Variants in ZNF703 observed in about 807,000 individuals in gnomAD.
ZNF703 encodes the protein zinc finger protein 703, also known as NocA-like zinc finger 1.
ZNF703 carries 18 observed loss-of-function variants against 30.7 expected under a neutral mutation model. The ratio of observed to expected loss-of-function variants is 0.59; its 90% CI spans 0.40 to 0.87. The LOEUF (loss-of-function observed/expected upper bound fraction) is 0.87. Among genes scored for constraint, ZNF703 ranks in the 40% least tolerant of loss-of-function variants. The pLI, the probability that ZNF703 is intolerant of heterozygous loss-of-function variation, is 0.00. For missense variants in ZNF703, 814 were observed against 847.8 expected, an observed-to-expected ratio of 0.96 and a Z score of 0.50; for synonymous variants, 457 against 438.6, an observed-to-expected ratio of 1.04 and a Z score of -0.52.
rs948515944 is a variant in ZNF703, at chr8:37,697,192, G to T, written c.291G>T (p.Ser97=). 1.1e-5 allele frequency: 17 copies of T among 1,594,788 alleles called. 1 individual carries two copies. The highest frequency in any genetic ancestry group is 2.7e-5 in the African/African-American group (2 of 72,732). The change falls in exon 2 of 2, where the codon TCG becomes TCT. Residue 97 remains serine (S), a synonymous_variant. Coordinates refer to ENST00000331569, the MANE Select transcript of ZNF703 (RefSeq NM_025069.3). ...TGGCGCTGCTGGCTCAGACCTGCTC[G>T]CAGATCGGCAAGCCGGACCCGCCGC... ...SPLALLAQTC[S]QIGKPDPPPS...
chr8:37,697,127 T>C lies in ZNF703; in HGVS notation c.244-18T>C. ...GAGTCTCACTCCTTCTCCCTCCCCCTGCTTCTGTCTCCCACAGCTGGACGC... is the reference window on the plus strand; with the variant it reads ...GAGTCTCACTCCTTCTCCCTCCCCCCGCTTCTGTCTCCCACAGCTGGACGC... On this transcript the variant is annotated intron_variant, in intron 1 of 1. Coordinates refer to ENST00000331569, the MANE Select transcript of ZNF703 (RefSeq NM_025069.3). 5 of 1,520,582 alleles carry C rather than the reference T, an allele frequency of 3.3e-6. No homozygotes were observed. The highest frequency in any genetic ancestry group is 4.4e-6 in the Non-Finnish European group (5 of 1,139,610). The allele number at this position is 1,520,582 out of a possible 1,614,324, so 94.2% of individuals were successfully genotyped here.
Position 37,699,334 on chromosome 8 carries a change from G to A in ZNF703, c.*660G>A, listed in dbSNP as rs1802130574. The stretch of plus-strand genomic sequence containing the variant: ...GGGGCCCTGGAGCTCTATTGACCTG[G>A]TACACTGCTCCGGGACTCCTCCCCC... On this transcript the variant is annotated 3_prime_UTR_variant, in exon 2 of 2. Coordinates refer to ENST00000331569, the MANE Select transcript of ZNF703 (RefSeq NM_025069.3). 1 of 152,376 alleles carries A rather than the reference G, an allele frequency of 6.6e-6. No homozygotes were observed. The highest frequency in any genetic ancestry group is 2.1e-4 in the South Asian group (1 of 4,840). 9.4% of individuals were successfully genotyped at this position (152,376 alleles called of 1,614,324 possible). A position where few individuals can be genotyped will look rare whatever the true frequency, so the allele number is the denominator to read the frequency against.
chr8:37,696,206 C>T lies in ZNF703; in HGVS notation c.227C>T (p.Pro76Leu), dbSNP rs368977849. 1.2e-6 allele frequency: 2 copies of T among 1,609,762 alleles called. No individual in the cohort carries two copies. Among genetic ancestry groups the T allele is most frequent in the African/African-American group, 1.3e-5 (1 of 74,702 alleles). ...TACCTGCAGCCGCTGTCCTCCACTC[C>T]CGTCAGCCCCATTGAGGTCAGTCCC... ...PEYLQPLSST[P>L]VSPIELDAKK... The change falls in exon 1 of 2, where the codon CCC (proline) becomes CTC (leucine). Residue 76 changes from proline (P) to leucine (L), a missense_variant. Coordinates refer to ENST00000331569, the MANE Select transcript of ZNF703 (RefSeq NM_025069.3). This position sits in a 1 kb window ranked among gnomAD's most constrained non-coding sequence, Gnocchi z 8.2.
chr8:37,697,924 C>T lies in ZNF703; in HGVS notation c.1023C>T (p.Leu341=), dbSNP rs1426275104. 3 of 1,556,456 alleles carry T rather than the reference C, an allele frequency of 1.9e-6. No individual in the cohort carries two copies. The highest frequency in any genetic ancestry group is 2.7e-5 in the African/African-American group (2 of 73,898). ...VPGLDPSKSG[L]VGGQLSGGLG... ...GCCTGGATCCTAGCAAGTCCGGCCT[C>T]GTGGGAGGCCAGCTGTCTGGGGGCC... The change falls in exon 2 of 2, where the codon CTC becomes CTT. Residue 341 remains leucine (L), a synonymous_variant. Transcript: ENST00000331569.
chr8:37,697,864 C>G lies in ZNF703; in HGVS notation c.963C>G (p.Gly321=), dbSNP rs757022324. The change falls in exon 2 of 2, where the codon GGC becomes GGG. Residue 321 remains glycine (G), a synonymous_variant. Coordinates refer to ENST00000331569, the MANE Select transcript of ZNF703 (RefSeq NM_025069.3). ...SSIGYHGSIV[G]AYAGYPSQFV... ...TTGGCTACCACGGCTCCATCGTGGGCGCCTACGCCGGCTACCCGTCTCAGT... is the reference window on the plus strand; with the variant it reads ...TTGGCTACCACGGCTCCATCGTGGGGGCCTACGCCGGCTACCCGTCTCAGT... 4 of 1,546,248 alleles carry G rather than the reference C, an allele frequency of 2.6e-6. No homozygotes were observed. In the African/African-American group the frequency reaches 4.1e-5, roughly 16 times the overall value.
rs750801022 is a variant in ZNF703, at chr8:37,698,653, C to T, written c.1752C>T (p.Ala584=). 22 of 1,477,604 alleles carry T rather than the reference C, an allele frequency of 1.5e-5. No homozygotes were observed. Among genetic ancestry groups the T allele is most frequent in the Non-Finnish European group, 1.9e-5 (21 of 1,112,240 alleles). The allele number at this position is 1,477,604 out of a possible 1,614,324, so 91.5% of individuals were successfully genotyped here. ...TGTATGGACAGAGACTAGCTTCAGCCTCGGCGCTGGGATACCAGTAACTAC... is the reference window on the plus strand; with the variant it reads ...TGTATGGACAGAGACTAGCTTCAGCTTCGGCGCTGGGATACCAGTAACTAC... ...YALYGQRLAS[A]SALGYQ is the part of the protein sequence containing the mutation. The change falls in exon 2 of 2, where the codon GCC becomes GCT. Residue 584 remains alanine (A), a synonymous_variant. Transcript: ENST00000331569.
Position 37,696,299 on chromosome 8 carries a change from C to G in ZNF703, c.243+77C>G, listed in dbSNP as rs1050609602. 2.7e-6 allele frequency: 4 copies of G among 1,475,948 alleles called. No individual in the cohort carries two copies. Among genetic ancestry groups the G allele is most frequent in the East Asian group, 2.6e-5 (1 of 37,970 alleles). The allele number at this position is 1,475,948 out of a possible 1,614,324, so 91.4% of individuals were successfully genotyped here. A position where few individuals can be genotyped will look rare whatever the true frequency, so the allele number is the denominator to read the frequency against. ...ACCGGGACCCTGACCCAGCTCCCAG[C>G]GCCCCGGGGCTCGGTGCGACACCCA... is the stretch of plus-strand genomic sequence containing the variant. On this transcript the variant is annotated intron_variant, in intron 1 of 1. Coordinates refer to ENST00000331569, the MANE Select transcript of ZNF703 (RefSeq NM_025069.3). This position sits in a 1 kb window ranked among gnomAD's most constrained non-coding sequence, Gnocchi z 8.2.
intron 1 of ZNF703, 130 bp from the exon 2 acceptor site, chr8:37,697,015 G>A (rs1234922149): frequency 2.3e-5 from 26 of 1,134,404 alleles, no homozygotes; most frequent in African/African-American, 1.6e-4. Context: ...CCCGGCCCTC[G>A]CTCGCAGACC....
Position 37,697,411 on chromosome 8 carries a change from C to G in ZNF703, c.510C>G (p.Ser170Arg). 6.4e-7 allele frequency: 1 copy of G among 1,551,626 alleles called. No individual in the cohort carries two copies. Among genetic ancestry groups the G allele is most frequent in the Non-Finnish European group, 8.7e-7 (1 of 1,149,124 alleles). Residue 170 changes from serine (S) to arginine (R), a missense_variant, in exon 2 of 2, where the codon AGC becomes AGG. Transcript: ENST00000331569. The part of the protein sequence containing the change: ...GSGGGDSRKD[S>R]GSSSVSSTSS... Reference sequence around the variant, plus strand: ...GCGGCGGCGACTCCCGCAAAGACAGCGGCTCCTCCTCGGTGTCTTCCACCT... The same window carrying G: ...GCGGCGGCGACTCCCGCAAAGACAGGGGCTCCTCCTCGGTGTCTTCCACCT...
chr8:37,696,192 G>C lies in ZNF703; in HGVS notation c.213G>C (p.Pro71=). ...GHLLHPEYLQ[P]LSSTPVSPIE... ...TCCTGCACCCGGAGTACCTGCAGCC[G>C]CTGTCCTCCACTCCCGTCAGCCCCA... Residue 71 remains proline (P), a synonymous_variant, in exon 1 of 2, where the codon CCG becomes CCC. Coordinates refer to ENST00000331569, the MANE Select transcript of ZNF703 (RefSeq NM_025069.3). This position sits in a 1 kb window ranked among gnomAD's most constrained non-coding sequence, Gnocchi z 8.2. 6.2e-7 allele frequency: 1 copy of C among 1,611,196 alleles called. No individual in the cohort carries two copies. The highest frequency in any genetic ancestry group is 8.5e-7 in the Non-Finnish European group (1 of 1,179,138).
rs2128904798 is a variant in ZNF703, at chr8:37,697,639, C to T, written c.738C>T (p.Asp246=). 3 of 1,390,416 alleles carry T rather than the reference C, an allele frequency of 2.2e-6. No homozygotes were observed. The highest frequency in any genetic ancestry group is 2.8e-6 in the Non-Finnish European group (3 of 1,079,682). 86.1% of individuals were successfully genotyped at this position (1,390,416 alleles called of 1,614,324 possible). A position where few individuals can be genotyped will look rare whatever the true frequency, so the allele number is the denominator to read the frequency against. The part of the protein sequence containing the change: ...GVGGGELDKK[D]QEPKPSPEPA... ...GCGGCGGGGAGCTGGACAAGAAAGA[C>T]CAGGAGCCCAAGCCCAGCCCGGAGC... is the stretch of plus-strand genomic sequence containing the variant. The change falls in exon 2 of 2, where the codon GAC becomes GAT. Residue 246 remains aspartate (D), a synonymous_variant. Coordinates refer to ENST00000331569, the MANE Select transcript of ZNF703 (RefSeq NM_025069.3).
Position 37,698,145 on chromosome 8 carries a change from C to T in ZNF703, c.1244C>T (p.Pro415Leu). Residue 415 changes from proline to leucine, a missense_variant, in exon 2 of 2, where the codon CCG becomes CTG. Transcript: ENST00000331569. ...AGPSLKAGGY[P>L]LVYPGHPLQP... ...CCCAGCCTGAAGGCGGGGGGCTACC[C>T]GCTGGTGTACCCCGGGCACCCGCTG... The T allele has an allele frequency of 3.3e-6, 5 of 1,529,234 alleles. No individual in the cohort carries two copies. The highest frequency in any genetic ancestry group is 2.6e-6 in the Non-Finnish European group (3 of 1,143,950). 94.7% of individuals were successfully genotyped at this position (1,529,234 alleles called of 1,614,324 possible). A position where few individuals can be genotyped will look rare whatever the true frequency, so the allele number is the denominator to read the frequency against.
At position 37,698,602 on chromosome 8, in the gene ZNF703, C is replaced by G. The variant is rs1362300290; in HGVS notation, c.1701C>G (p.Ala567=). ...GGLAVPSLPT[A]GPYYSPYALY... ...TGGCCGTGCCGTCCCTCCCCACAGCCGGACCCTACTATTCGCCATACGCGC... is the reference window on the plus strand; with the variant it reads ...TGGCCGTGCCGTCCCTCCCCACAGCGGGACCCTACTATTCGCCATACGCGC... The change falls in exon 2 of 2, where the codon GCC becomes GCG. Residue 567 remains alanine, a synonymous_variant. Coordinates refer to ENST00000331569, the MANE Select transcript of ZNF703 (RefSeq NM_025069.3). The G allele has an allele frequency of 1.9e-6, 3 of 1,554,934 alleles. No homozygotes were observed. The highest frequency in any genetic ancestry group is 1.2e-5 in the South Asian group (1 of 84,132).
Position 37,695,915 on chromosome 8 carries a change from C to T in ZNF703, c.-65C>T. ...CGCTGCGGAGCGAGCCCACCCGCCC[C>T]GGGAGCTCGCCTCCCCGGTGCTCCC... On this transcript the variant is annotated 5_prime_UTR_variant, in exon 1 of 2. Transcript: ENST00000331569. 1 of 1,321,440 alleles carries T rather than the reference C, an allele frequency of 7.6e-7. No individual in the cohort carries two copies. Among genetic ancestry groups the T allele is most frequent in the Non-Finnish European group, 1.0e-6 (1 of 1,004,428 alleles). The allele number at this position is 1,321,440 out of a possible 1,614,324, so 81.9% of individuals were successfully genotyped here. A position where few individuals can be genotyped will look rare whatever the true frequency, so the allele number is the denominator to read the frequency against.
Position 37,697,380 on chromosome 8 carries a change from G to T in ZNF703, c.479G>T (p.Gly160Val). The change falls in exon 2 of 2, where the codon GGC becomes GTC. Residue 160 changes from glycine to valine, a missense_variant. Gly to Val is a moderately radical substitution (Grantham distance 109). Coordinates refer to ENST00000331569, the MANE Select transcript of ZNF703 (RefSeq NM_025069.3). The part of the protein sequence containing the change: ...DKSSFKPYSK[G>V]SGGGDSRKDS... ...TCCAGCTTCAAGCCCTACTCCAAGG[G>T]CTCCGGCGGCGGCGACTCCCGCAAA... 6.4e-7 allele frequency: 1 copy of T among 1,555,200 alleles called. No homozygotes were observed. Among genetic ancestry groups the T allele is most frequent in the Non-Finnish European group, 8.7e-7 (1 of 1,151,070 alleles).
At position 37,696,291 on chromosome 8, in the gene ZNF703, G is replaced by C. The variant is rs1802067679; in HGVS notation, c.243+69G>C. 7.4e-6 allele frequency: 11 copies of C among 1,484,714 alleles called. No homozygotes were observed. The highest frequency in any genetic ancestry group is 2.7e-5 in the South Asian group (2 of 75,284). 92.0% of individuals were successfully genotyped at this position (1,484,714 alleles called of 1,614,324 possible). On this transcript the variant is annotated intron_variant, in intron 1 of 1. Transcript: ENST00000331569. The surrounding 1 kb of genome is among the most constrained non-coding windows in gnomAD (Gnocchi z 8.2). ...CCACCGCGACCGGGACCCTGACCCA[G>C]CTCCCAGCGCCCCGGGGCTCGGTGC...
Position 37,696,344 on chromosome 8 carries a change from G to T in ZNF703, c.243+122G>T. 7.1e-7 allele frequency: 1 copy of T among 1,414,890 alleles called. No homozygotes were observed. The highest frequency in any genetic ancestry group is 2.9e-5 in the Admixed American group (1 of 34,840). The allele number at this position is 1,414,890 out of a possible 1,614,324, so 87.6% of individuals were successfully genotyped here. A position where few individuals can be genotyped will look rare whatever the true frequency, so the allele number is the denominator to read the frequency against. On this transcript the variant is annotated intron_variant, in intron 1 of 1. Transcript: ENST00000331569. This position sits in a 1 kb window ranked among gnomAD's most constrained non-coding sequence, Gnocchi z 8.2. ...CACCCAAGTCTGGTCACGCTGGCGGGCTGAGTGAGGAGGGGAAGAAAACCG... is the reference window on the plus strand; with the variant it reads ...CACCCAAGTCTGGTCACGCTGGCGGTCTGAGTGAGGAGGGGAAGAAAACCG...
rs944231596 is a variant in ZNF703 at position 37,695,899 on chromosome 8, G to T, written c.-81G>T. 7 of 1,297,138 alleles carry T rather than the reference G, an allele frequency of 5.4e-6. No individual in the cohort carries two copies. In the East Asian group the frequency reaches 2.1e-4, roughly 38 times the overall value. The allele number at this position is 1,297,138 out of a possible 1,614,324, so 80.4% of individuals were successfully genotyped here. The stretch of plus-strand genomic sequence containing the variant: ...GCTGCACCGCGATCGACGCTGCGGA[G>T]CGAGCCCACCCGCCCCGGGAGCTCG... On this transcript the variant is annotated 5_prime_UTR_variant, in exon 1 of 2. Transcript: ENST00000331569.
In ZNF703 at chr8:37,697,210, C is replaced by T. The variant is rs2128904707; in HGVS notation, c.309C>T (p.Asp103=). 1.3e-6 allele frequency: 2 copies of T among 1,596,312 alleles called. No individual in the cohort carries two copies. The highest frequency in any genetic ancestry group is 2.2e-5 in the South Asian group (2 of 89,214). The change falls in exon 2 of 2, where the codon GAC becomes GAT. Residue 103 remains aspartate, a synonymous_variant. Coordinates refer to ENST00000331569, the MANE Select transcript of ZNF703 (RefSeq NM_025069.3). Reference sequence around the variant, plus strand: ...CCTGCTCGCAGATCGGCAAGCCGGACCCGCCGCCCTCCTCCAAACTCAACT... The same window carrying T: ...CCTGCTCGCAGATCGGCAAGCCGGATCCGCCGCCCTCCTCCAAACTCAACT... ...AQTCSQIGKP[D]PPPSSKLNSV... is the part of the protein sequence containing the mutation.
Sources: gnomAD v4.1 joint callset for allele counts on GRCh38, gnomAD v4.1.1 for gene constraint, Gnocchi (gnomAD v3.1) non-coding constraint, MANE v1.5 for transcripts, NCBI Gene and HGNC (gene_info 2026-07-23, HGNC 2026-07-21) for gene names.